The following SDK1 variants were observed in gnomAD, a reference collection of about 807,000 sequenced individuals.
SDK1 encodes the protein protein sidekick-1.
Under a neutral mutation model 245.5 loss-of-function variants are expected in SDK1, and 157 were observed. The observed-to-expected ratio is 0.64, with a 90% CI of 0.56 to 0.73. SDK1 has a LOEUF of 0.73. Ranked by LOEUF, SDK1 falls within the 30% of genes least tolerant of loss-of-function variation. The pLI, the probability that SDK1 is intolerant of heterozygous loss-of-function variation, is 0.00. For missense variants in SDK1, 3,583 were observed against 3,002.3 expected, an observed-to-expected ratio of 1.19 and a Z score of -4.52; for synonymous variants, 1,647 against 1,278.5, an observed-to-expected ratio of 1.29 and a Z score of -6.15.
chr7:4,140,424 A>C (rs900148809), intron 28 of SDK1, among the ~76,000 whole-genome samples: 10 of 152,180 alleles, frequency 6.6e-5, no homozygotes, highest in African/African-American at 2.4e-4. Flanking sequence ...CCCCGGCCCC[A>C]CGATGAGGGG....
At chr7:3,946,944 G>A (rs764623426) in intron 5 of SDK1, among the ~76,000 whole-genome samples, 12 of 152,198 alleles carry the variant, frequency 7.9e-5, no homozygotes, top group Admixed American at 2.0e-4. Context: ...TTAGCCCTTT[G>A]TGCTAATATT....
At chr7:3,800,911 GT>G (rs1422296174) in intron 4 of SDK1, among the ~76,000 whole-genome samples, 1 of 152,152 alleles carries the variant, frequency 6.6e-6, no homozygotes. Context: ...ACTTGTCCTT[GT>G]TACAGTTCTT....
intron 5 of SDK1, among the ~76,000 whole-genome samples, chr7:3,845,483 C>T (rs1184526106): frequency 8.8e-6 from 1 of 114,102 alleles, no homozygotes; most frequent in East Asian, 2.3e-4. Context: ...AGTGAGACTC[C>T]GTCTCAAAAA....
chr7:3,937,286 G>C (rs1367220955), intron 5 of SDK1, among the ~76,000 whole-genome samples: 4 of 152,198 alleles, frequency 2.6e-5, no homozygotes, highest in Non-Finnish European at 5.9e-5. Context: ...AATGTGGGCA[G>C]AACAGGGCAG....
chr7:3,936,725 A>G (rs1780174927), intron 5 of SDK1, among the ~76,000 whole-genome samples: 2 of 152,318 alleles, frequency 1.3e-5, no homozygotes, highest in South Asian at 4.1e-4. Flanking sequence ...AATGGGGGGA[A>G]AAAAAGAAGT....
At chr7:3,601,213 A>AG (rs1781243283) in intron 1 of SDK1, among the ~76,000 whole-genome samples, 1 of 152,178 alleles carries the variant, frequency 6.6e-6, no homozygotes, top group South Asian at 2.1e-4. Context: ...TTTTATATCA[A>AG]GGTAGTAATA....
intron 4 of SDK1, among the ~76,000 whole-genome samples, chr7:3,757,917 C>T: frequency 6.6e-6 from 1 of 152,122 alleles, no homozygotes; most frequent in East Asian, 1.9e-4. Context: ...TATCTAGGGG[C>T]CTGCCAAGAG....
intron 4 of SDK1, among the ~76,000 whole-genome samples, chr7:3,767,589 C>G (rs1297695050): frequency 6.6e-6 from 1 of 152,122 alleles, no homozygotes; most frequent in Non-Finnish European, 1.5e-5. Flanking sequence ...TTTACATGTG[C>G]CAGCTCATTC....
At chr7:3,730,540 C>T (rs1009030327) in intron 4 of SDK1, among the ~76,000 whole-genome samples, 1 of 152,038 alleles carries the variant, frequency 6.6e-6, no homozygotes, top group African/African-American at 2.4e-5. Context: ...AGTACGGGTG[C>T]CAGCGGGAAG....
At chr7:3,630,243 C>T (rs1202276586) in intron 2 of SDK1, among the ~76,000 whole-genome samples, 2 of 152,094 alleles carry the variant, frequency 1.3e-5, no homozygotes, top group African/African-American at 2.4e-5. Flanking sequence ...ATCCCAATTA[C>T]TGGAGTTACC....
At chr7:3,816,668 C>G (rs954056257) in intron 4 of SDK1, among the ~76,000 whole-genome samples, 6 of 152,102 alleles carry the variant, frequency 3.9e-5, no homozygotes, top group Non-Finnish European at 7.4e-5. Context: ...ACCAGAGGTA[C>G]AAGGAGGAAT....
chr7:3,723,247 G>A (rs1022651197), intron 4 of SDK1, among the ~76,000 whole-genome samples: 14 of 152,334 alleles, frequency 9.2e-5, no homozygotes, highest in Admixed American at 8.5e-4. Context: ...GACCAAGTAA[G>A]TAAGCTGCCT....
At chr7:3,456,702 C>G (rs1366915968) in intron 1 of SDK1, among the ~76,000 whole-genome samples, 3 of 152,120 alleles carry the variant, frequency 2.0e-5, no homozygotes, top group Non-Finnish European at 4.4e-5. Flanking sequence ...CTTCTTGGTG[C>G]TGGCATCAGC....
At chr7:3,977,988 C>G (rs142252849) in intron 13 of SDK1, among the ~76,000 whole-genome samples, 1 of 152,314 alleles carries the variant, frequency 6.6e-6, no homozygotes, top group East Asian at 1.9e-4. Context: ...TACAAGTAAG[C>G]TCAGGTCGTT....
At position 4,162,369 on chromosome 7, in the gene SDK1, GTTATTATTATTA is replaced by G. The variant is rs533484732; in HGVS notation, c.4800+549_4800+560del. On this transcript the variant is annotated intron_variant, in intron 32 of 44. Transcript: ENST00000404826. ...GGTGGTGGTGGTGGTTGTTGTTGTT[GTTATTATTATTA>G]TTATTATTATTATTATTATTATTAT... Among the ~76,000 whole-genome samples, 809 of 128,372 alleles carry G rather than the reference GTTATTATTATTA, an allele frequency of 6.3e-3. 4 individuals carry two copies. Among genetic ancestry groups the G allele is most frequent in the African/African-American group, 0.02 (702 of 35,806 alleles). The allele number at this position is 128,372 out of a possible 152,430, so 84.2% of individuals were successfully genotyped here. A position where few individuals can be genotyped will look rare whatever the true frequency, so the allele number is the denominator to read the frequency against.
rs117649562 is a variant in SDK1, at chr7:3,353,317, T to C, written c.298+51433T>C. On this transcript the variant is annotated intron_variant, in intron 1 of 44. Transcript: ENST00000404826. ...AGTATCTTTCATCTTGGGGGTTATT[T>C]TGAAAATTGATGGCATTTGGAATAA... is the stretch of plus-strand genomic sequence containing the variant. Among the ~76,000 whole-genome samples, 148 of 152,300 alleles carry C rather than the reference T, an allele frequency of 9.7e-4. No homozygotes were observed. The East Asian group carries it at 0.022, about 22-fold the overall frequency.
chr7:3,357,328 G>GTGTTTTTTTTTT (rs1780827600), intron 1 of SDK1, among the ~76,000 whole-genome samples: 1 of 52,904 alleles, frequency 1.9e-5, no homozygotes, highest in Non-Finnish European at 3.5e-5. Context: ...TTCTTTTAGT[G>GTGTTTTTTTTTT]TTTTTTTTTT....
chr7:3,669,475 G>C (rs1231319304), intron 4 of SDK1, among the ~76,000 whole-genome samples: 1 of 151,892 alleles, frequency 6.6e-6, no homozygotes, highest in African/African-American at 2.4e-5. Flanking sequence ...GGTATTGACT[G>C]TTCGGTTTAC....
Position 4,217,537 on chromosome 7 carries a change from C to T in SDK1, c.5540-2572C>T, listed in dbSNP as rs1411490308. ...ACACCACCCGGAGCACCACACCACCCGGAGCACCAGGCCACCCGGAGAACC... is the reference window on the plus strand; with the variant it reads ...ACACCACCCGGAGCACCACACCACCTGGAGCACCAGGCCACCCGGAGAACC... On this transcript the variant is annotated intron_variant, in intron 38 of 44. Coordinates refer to ENST00000404826, the MANE Select transcript of SDK1 (RefSeq NM_152744.4). 4.4e-5 allele frequency among the ~76,000 whole-genome samples: 6 copies of T among 137,498 alleles called. 1 individual carries two copies. The highest frequency in any genetic ancestry group is 2.2e-4 in the Admixed American group (3 of 13,352). 90.2% of individuals were successfully genotyped at this position (137,498 alleles called of 152,430 possible). A position where few individuals can be genotyped will look rare whatever the true frequency, so the allele number is the denominator to read the frequency against.
Sources: gnomAD v4.1 joint callset for allele counts (sites outside exome capture counted in the v4.1 genomes callset) on GRCh38, gnomAD v4.1.1 for gene constraint, MANE v1.5 for transcripts, NCBI Gene and HGNC (gene_info 2026-07-23, HGNC 2026-07-21) for gene names.